Variants in SSR1 observed in about 807,000 individuals in gnomAD.
SSR1 encodes the protein signal sequence receptor subunit 1, also known as translocon-associated protein subunit alpha.
In SSR1, 13 loss-of-function variants were observed where a neutral mutation model predicts 36.1. That is an observed-to-expected ratio of 0.36 (90% CI 0.23 to 0.57). The LOEUF is 0.57. Ranked by LOEUF, SSR1 falls within the 20% of genes least tolerant of loss-of-function variation. The probability of loss-of-function intolerance (pLI) is 0.81; values close to 1 mark genes in which losing one functional copy is unlikely to be tolerated. For missense variants in SSR1, 291 were observed against 338.5 expected, an observed-to-expected ratio of 0.86 and a Z score of 1.10; for synonymous variants, 113 against 118.9, an observed-to-expected ratio of 0.95 and a Z score of 0.32.
chr6:7,311,551 T>C (rs1758195643), intron 1 of SSR1, among the ~76,000 whole-genome samples: 1 of 152,222 alleles, frequency 6.6e-6, no homozygotes, highest in Non-Finnish European at 1.5e-5. Context: ...AAGCCTAAAA[T>C]AGTGCATTCA....
intron 7 of SSR1, among the ~76,000 whole-genome samples, chr6:7,290,559 G>A (rs1238853789): frequency 1.3e-5 from 2 of 152,052 alleles, no homozygotes; most frequent in African/African-American, 4.8e-5. Flanking sequence ...TTATTGTCTT[G>A]TCTTACTTTC....
At position 7,310,012 on chromosome 6, in the gene SSR1, G is replaced by A. The variant is rs2113303305; in HGVS notation, c.97C>T (p.Gln33Ter). ...GTTTCTTCATCCTCTGTAAGATCTT[G>A]TGCCACTGCTAACAAGCCTAATGAT... ...GGPRGLLAVA[Q>*]DLTEDEETVE... Residue 33 changes from glutamine to a stop codon, truncating the protein, a stop_gained, in exon 2 of 8, where the codon CAA becomes TAA. Transcript: ENST00000244763. LOFTEE classifies it high-confidence loss of function. The A allele has an allele frequency of 6.2e-7, 1 of 1,612,852 alleles. No individual in the cohort carries two copies. The highest frequency in any genetic ancestry group is 2.2e-5 in the East Asian group (1 of 44,840).
At chr6:7,311,278 A>G (rs1391476846) in intron 1 of SSR1, among the ~76,000 whole-genome samples, 1 of 145,746 alleles carries the variant, frequency 6.9e-6, no homozygotes, top group African/African-American at 2.7e-5. Flanking sequence ...CATTATATCT[A>G]TTTCAGGCAA....
In SSR1 at chr6:7,284,287, A is replaced by G. The variant is rs2113260037; in HGVS notation, c.*5577T>C. 1 of 152,322 alleles carries G rather than the reference A, an allele frequency of 6.6e-6. No homozygotes were observed. The highest frequency in any genetic ancestry group is 6.5e-5 in the Admixed American group (1 of 15,286). 9.4% of individuals were successfully genotyped at this position (152,322 alleles called of 1,614,324 possible). On this transcript the variant is annotated 3_prime_UTR_variant, in exon 8 of 8. Transcript: ENST00000244763. ...AAAAAGAACTGGATGTGCAGGTGTAAGAGATTTATTACAAAACAAAAACTC... is the reference window on the plus strand; with the variant it reads ...AAAAAGAACTGGATGTGCAGGTGTAGGAGATTTATTACAAAACAAAAACTC...
chr6:7,285,996 T>G lies in SSR1; in HGVS notation c.*3868A>C, dbSNP rs868410164. 6.6e-6 allele frequency: 1 copy of G among 152,212 alleles called. No individual in the cohort carries two copies. Among genetic ancestry groups the G allele is most frequent in the Non-Finnish European group, 1.5e-5 (1 of 68,028 alleles). The allele number at this position is 152,212 out of a possible 1,614,324, so 9.4% of individuals were successfully genotyped here. ...ATGGTATATTCATTACTGAGATGAT[T>G]TGAACTTTCCATATTCAATATGGAA... On this transcript the variant is annotated 3_prime_UTR_variant, in exon 8 of 8. Transcript: ENST00000244763. The surrounding 1 kb of genome is among the most constrained non-coding windows in gnomAD (Gnocchi z 4.1).
intron 2 of SSR1, among the ~76,000 whole-genome samples, 169 bp from the exon 3 acceptor site, chr6:7,303,806 C>A (rs552112616): frequency 1.4e-4 from 21 of 152,180 alleles, no homozygotes; most frequent in African/African-American, 5.1e-4. Flanking sequence ...GCCAACATGG[C>A]GAAACCCCGT....
At chr6:7,295,633 A>G (rs1479013956) in intron 6 of SSR1, 148 bp from the exon 7 acceptor site, 1 of 557,090 alleles carries the variant, frequency 1.8e-6, no homozygotes, top group African/African-American at 2.0e-5. Context: ...CCTCCCAAGT[A>G]GCTGGGACTA....
At position 7,312,956 on chromosome 6, in the gene SSR1, G is replaced by C. The variant is rs889852231; in HGVS notation, c.79+86C>G. The C allele has an allele frequency of 2.9e-6, 4 of 1,370,660 alleles. No homozygotes were observed. The African/African-American group carries it at 5.8e-5, about 20-fold the overall frequency. The allele number at this position is 1,370,660 out of a possible 1,614,324, so 84.9% of individuals were successfully genotyped here. A position where few individuals can be genotyped will look rare whatever the true frequency, so the allele number is the denominator to read the frequency against. On this transcript the variant is annotated intron_variant, in intron 1 of 7. Transcript: ENST00000244763. ...GGGGTGGACGCGGACCCCAGGACCCGGAGCGGCCACCGCCTCCAACTTCAA... is the reference window on the plus strand; with the variant it reads ...GGGGTGGACGCGGACCCCAGGACCCCGAGCGGCCACCGCCTCCAACTTCAA...
At position 7,285,358 on chromosome 6, in the gene SSR1, G is replaced by A. The variant is rs958442991; in HGVS notation, c.*4506C>T. ...TCACTGTGCCTATTAAGCAAAATCCGTAATACAACACACCAGACAGAAGCC... is the reference window on the plus strand; with the variant it reads ...TCACTGTGCCTATTAAGCAAAATCCATAATACAACACACCAGACAGAAGCC... On this transcript the variant is annotated 3_prime_UTR_variant, in exon 8 of 8. Coordinates refer to ENST00000244763, the MANE Select transcript of SSR1 (RefSeq NM_003144.5). The surrounding 1 kb of genome is among the most constrained non-coding windows in gnomAD (Gnocchi z 4.1). The A allele has an allele frequency of 3.3e-5, 5 of 152,126 alleles. No individual in the cohort carries two copies. Among genetic ancestry groups the A allele is most frequent in the African/African-American group, 9.7e-5 (4 of 41,410 alleles). The allele number at this position is 152,126 out of a possible 1,614,324, so 9.4% of individuals were successfully genotyped here.
chr6:7,303,837 A>G (rs1351107724), intron 2 of SSR1, among the ~76,000 whole-genome samples, 200 bp from the exon 3 acceptor site: 3 of 152,180 alleles, frequency 2.0e-5, no homozygotes, highest in South Asian at 2.1e-4. Context: ...AAATACAAAA[A>G]TTAGCCAGGT....
In SSR1 at chr6:7,287,839, G is replaced by A. The variant is rs1256835670; in HGVS notation, c.*2025C>T. ...GGAATTGAATTCCATTCATTACGGA[G>A]TTAGTTTCTGCTAAATACTTACTGA... On this transcript the variant is annotated 3_prime_UTR_variant, in exon 8 of 8. Transcript: ENST00000244763. 2 of 152,502 alleles carry A rather than the reference G, an allele frequency of 1.3e-5. No homozygotes were observed. The highest frequency in any genetic ancestry group is 6.6e-5 in the Admixed American group (1 of 15,262). 9.4% of individuals were successfully genotyped at this position (152,502 alleles called of 1,614,324 possible).
intron 6 of SSR1, among the ~76,000 whole-genome samples, chr6:7,295,735 T>G (rs980716512): frequency 2.0e-5 from 3 of 152,222 alleles, no homozygotes; most frequent in African/African-American, 7.2e-5. Flanking sequence ...ACAAGTTATA[T>G]TCTCTTCTAG....
intron 4 of SSR1, among the ~76,000 whole-genome samples, chr6:7,300,040 T>C (rs1757899315): frequency 6.6e-6 from 1 of 152,192 alleles, no homozygotes; most frequent in Admixed American, 6.5e-5. Flanking sequence ...ATATACCTGT[T>C]GGATTAAATT....
At chr6:7,304,615 A>C (rs1758010941) in intron 2 of SSR1, among the ~76,000 whole-genome samples, 1 of 152,228 alleles carries the variant, frequency 6.6e-6, no homozygotes, top group Admixed American at 6.5e-5. Flanking sequence ...GTGTATGTTT[A>C]AAACAGATGA....
intron 4 of SSR1, among the ~76,000 whole-genome samples, chr6:7,300,694 G>A (rs113408026): frequency 1.8e-4 from 28 of 152,300 alleles, no homozygotes; most frequent in Non-Finnish European, 4.1e-4. Context: ...CCAGGCTGGA[G>A]TACAATGGTG....
intron 7 of SSR1, among the ~76,000 whole-genome samples, chr6:7,291,814 A>G (rs1431200954): frequency 2.6e-5 from 4 of 151,892 alleles, no homozygotes; most frequent in African/African-American, 7.3e-5. Context: ...GCTCACACCT[A>G]TAATCCCAGC....
chr6:7,292,892 G>C (rs1190785672), intron 7 of SSR1, among the ~76,000 whole-genome samples: 3 of 126,206 alleles, frequency 2.4e-5, no homozygotes, highest in African/African-American at 7.5e-5. Flanking sequence ...ACTGCAATAT[G>C]ACAGCTAGCT....
chr6:7,288,927 G>C lies in SSR1; in HGVS notation c.*937C>G, dbSNP rs1757615960. ...CCAACTCACTTTCTTCATTGATTAGGAGTAACTGGGAAATATCTCTGTCCT... is the reference window on the plus strand; with the variant it reads ...CCAACTCACTTTCTTCATTGATTAGCAGTAACTGGGAAATATCTCTGTCCT... On this transcript the variant is annotated 3_prime_UTR_variant, in exon 8 of 8. Coordinates refer to ENST00000244763, the MANE Select transcript of SSR1 (RefSeq NM_003144.5). The C allele has an allele frequency of 6.6e-6, 1 of 152,266 alleles. No individual in the cohort carries two copies. The highest frequency in any genetic ancestry group is 6.5e-5 in the Admixed American group (1 of 15,302). 9.4% of individuals were successfully genotyped at this position (152,266 alleles called of 1,614,324 possible). A position where few individuals can be genotyped will look rare whatever the true frequency, so the allele number is the denominator to read the frequency against.
rs1049893064 is a variant in SSR1 at position 7,284,431 on chromosome 6, C to G, written c.*5433G>C. On this transcript the variant is annotated 3_prime_UTR_variant, in exon 8 of 8. Coordinates refer to ENST00000244763, the MANE Select transcript of SSR1 (RefSeq NM_003144.5). The stretch of plus-strand genomic sequence containing the variant: ...AAGAATACTATGTAGCTTACATATT[C>G]AGAATTTACCTACTACCCCACCACA... 2.6e-5 allele frequency: 4 copies of G among 152,180 alleles called. No homozygotes were observed. Among genetic ancestry groups the G allele is most frequent in the African/African-American group, 9.7e-5 (4 of 41,426 alleles). 9.4% of individuals were successfully genotyped at this position (152,180 alleles called of 1,614,324 possible).
Sources: gnomAD v4.1 joint callset for allele counts (sites outside exome capture counted in the v4.1 genomes callset) on GRCh38, gnomAD v4.1.1 for gene constraint, Gnocchi (gnomAD v3.1) non-coding constraint, MANE v1.5 for transcripts, NCBI Gene and HGNC (gene_info 2026-07-23, HGNC 2026-07-21) for gene names.